KCNK3: variants seen among roughly 807,000 people sequenced by gnomAD.
KCNK3 encodes potassium channel subfamily K member 3.
Under a neutral mutation model 27.3 loss-of-function variants are expected in KCNK3, and 9 were observed. The ratio of observed to expected loss-of-function variants is 0.33; its 90% CI spans 0.20 to 0.57. The LOEUF is 0.57. KCNK3 is among the 20% of genes least tolerant of loss of function. The pLI is 0.87. For missense variants in KCNK3, 391 were observed against 577.7 expected (o/e 0.68, Z 3.31); for synonymous variants, 278 against 273.8 (o/e 1.02, Z -0.15).
intron 1 of KCNK3, among the ~76,000 whole-genome samples, chr2:26,718,449 C>T (rs775395111): frequency 2.6e-5 from 4 of 152,064 alleles, no homozygotes; most frequent in South Asian, 2.1e-4. Flanking sequence ...TAATATTCAT[C>T]GTTTTCTACT....
In KCNK3 at chr2:26,732,347, A is replaced by T. The variant is rs528670471; in HGVS notation, c.*3779A>T. ...TGCATGTTATAAAATGCTGGTCACG[A>T]TCCACTAAATTGATGTCTCTACCTG... is the stretch of plus-strand genomic sequence containing the variant. On this transcript the variant is annotated 3_prime_UTR_variant, in exon 2 of 2. Transcript: ENST00000302909. The T allele has an allele frequency of 7.9e-5, 12 of 152,330 alleles. No homozygotes were observed. The highest frequency in any genetic ancestry group is 3.9e-4 in the Admixed American group (6 of 15,306). 9.4% of individuals were successfully genotyped at this position (152,330 alleles called of 1,614,324 possible).
intron 1 of KCNK3, among the ~76,000 whole-genome samples, chr2:26,711,635 C>T (rs1428046329): frequency 6.6e-6 from 1 of 152,224 alleles, no homozygotes; most frequent in African/African-American, 2.4e-5. Context: ...GGCTCCGTTA[C>T]TGCATCTTCA....
chr2:26,716,814 T>C (rs1558601034), intron 1 of KCNK3, among the ~76,000 whole-genome samples: 3 of 152,112 alleles, frequency 2.0e-5, no homozygotes, highest in Non-Finnish European at 2.9e-5. Context: ...CTTTTGAAGG[T>C]AGGAAAAATT....
rs572615665 is a variant in KCNK3 at position 26,693,197 on chromosome 2, G to A, written c.283+39G>A. 2.1e-5 allele frequency: 30 copies of A among 1,445,906 alleles called. No individual in the cohort carries two copies. Among genetic ancestry groups the A allele is most frequent in the South Asian group, 1.5e-4 (11 of 74,196 alleles). The allele number at this position is 1,445,906 out of a possible 1,614,324, so 89.6% of individuals were successfully genotyped here. A position where few individuals can be genotyped will look rare whatever the true frequency, so the allele number is the denominator to read the frequency against. Reference sequence around the variant, plus strand: ...GGGCGGGGGGCGGGAACCCAGGGCTGGGCGCGGGGCTCCGGGAGTCGTCCG... The same window carrying A: ...GGGCGGGGGGCGGGAACCCAGGGCTAGGCGCGGGGCTCCGGGAGTCGTCCG... On this transcript the variant is annotated intron_variant, in intron 1 of 1. Transcript: ENST00000302909. This position sits in a 1 kb window ranked among gnomAD's most constrained non-coding sequence, Gnocchi z 5.5.
Position 26,728,450 on chromosome 2 carries a change from C to A in KCNK3, c.1067C>A (p.Thr356Lys), listed in dbSNP as rs777780035. 1 of 1,580,662 alleles carries A rather than the reference C, an allele frequency of 6.3e-7. No homozygotes were observed. Among genetic ancestry groups the A allele is most frequent in the Non-Finnish European group, 8.6e-7 (1 of 1,160,306 alleles). Residue 356 changes from threonine (T) to lysine (K), a missense_variant, in exon 2 of 2, where the codon ACG (threonine) becomes AAG (lysine). By Grantham distance (78) the Thr-to-Lys change is moderately conservative. Transcript: ENST00000302909. ...SPGGGGRYSD[T>K]PSRRCLCSGA... Reference sequence around the variant, plus strand: ...GGAGGGGGCGGCCGCTACAGCGACACGCCCTCGCGACGCTGCCTGTGCAGC... The same window carrying A: ...GGAGGGGGCGGCCGCTACAGCGACAAGCCCTCGCGACGCTGCCTGTGCAGC...
At position 26,721,115 on chromosome 2, in the gene KCNK3, C is replaced by CAG. The variant is rs1436888695; in HGVS notation, c.284-6549_284-6548dup. On this transcript the variant is annotated intron_variant, in intron 1 of 1. Transcript: ENST00000302909. This position sits in a 1 kb window ranked among gnomAD's most constrained non-coding sequence, Gnocchi z 4.3. ...GGTTTCTCATCACCATCCCAGACCT[C>CAG]AGAGTCCTTCAGAACTGGAGCCTCT... 6.6e-6 allele frequency among the ~76,000 whole-genome samples: 1 copy of CAG among 152,274 alleles called. No homozygotes were observed. Among genetic ancestry groups the CAG allele is most frequent in the East Asian group, 1.9e-4 (1 of 5,172 alleles).
At chr2:26,706,302 A>G (rs866174440) in intron 1 of KCNK3, among the ~76,000 whole-genome samples, 1 of 152,078 alleles carries the variant, frequency 6.6e-6, no homozygotes, top group Non-Finnish European at 1.5e-5. Context: ...TCCCCCCCAG[A>G]GGAGGAGCTG....
At position 26,693,749 on chromosome 2, in the gene KCNK3, T is replaced by C. The variant is rs944561060; in HGVS notation, c.283+591T>C. On this transcript the variant is annotated intron_variant, in intron 1 of 1. Transcript: ENST00000302909. This position sits in a 1 kb window ranked among gnomAD's most constrained non-coding sequence, Gnocchi z 5.5. The stretch of plus-strand genomic sequence containing the variant: ...TGTGATTTTCTCAGAGCGGCAGAAT[T>C]GGTGCGGGAAGCCAGATCTGGCCTT... Among the ~76,000 whole-genome samples, 1 of 152,180 alleles carries C rather than the reference T, an allele frequency of 6.6e-6. No individual in the cohort carries two copies. The highest frequency in any genetic ancestry group is 1.5e-5 in the Non-Finnish European group (1 of 68,028).
At chr2:26,705,365 A>G (rs1670359748) in intron 1 of KCNK3, among the ~76,000 whole-genome samples, 1 of 152,168 alleles carries the variant, frequency 6.6e-6, no homozygotes, top group African/African-American at 2.4e-5. Flanking sequence ...GAACACGGAT[A>G]TGTTAAGCAC....
intron 1 of KCNK3, among the ~76,000 whole-genome samples, chr2:26,710,243 T>C (rs1289471196): frequency 6.6e-6 from 1 of 152,228 alleles, no homozygotes; most frequent in African/African-American, 2.4e-5. Context: ...CTTGGGGATC[T>C]TTGGGCCTAG....
At chr2:26,699,212 A>AGAAT (rs1670274825) in intron 1 of KCNK3, among the ~76,000 whole-genome samples, 1 of 105,792 alleles carries the variant, frequency 9.5e-6, no homozygotes, top group Non-Finnish European at 2.1e-5. Flanking sequence ...AGAGAGAGAA[A>AGAAT]GAAAGAAAGA....
At chr2:26,723,616 T>C (rs1027157833) in intron 1 of KCNK3, among the ~76,000 whole-genome samples, 1 of 152,202 alleles carries the variant, frequency 6.6e-6, no homozygotes, top group African/African-American at 2.4e-5. Context: ...TATCCTGGGT[T>C]ATAATCCTGG....
intron 1 of KCNK3, among the ~76,000 whole-genome samples, chr2:26,718,579 T>C: frequency 6.6e-6 from 1 of 152,180 alleles, no homozygotes. Flanking sequence ...CAGCTATATA[T>C]GTGTGTGTAC....
chr2:26,715,986 G>A (rs953851279), intron 1 of KCNK3, among the ~76,000 whole-genome samples: 8 of 152,314 alleles, frequency 5.3e-5, no homozygotes, highest in Non-Finnish European at 7.3e-5. Flanking sequence ...ATCCTAGAAC[G>A]CTGAAGGGCC....
chr2:26,701,397 G>T (rs1465111930), intron 1 of KCNK3, among the ~76,000 whole-genome samples: 2 of 152,194 alleles, frequency 1.3e-5, no homozygotes, highest in African/African-American at 4.8e-5. Flanking sequence ...TGGATGGAAA[G>T]GGAGGAGAGA....
chr2:26,732,147 G>C lies in KCNK3; in HGVS notation c.*3579G>C, dbSNP rs1457483568. On this transcript the variant is annotated 3_prime_UTR_variant, in exon 2 of 2. Transcript: ENST00000302909. ...AGAGCAGACCCACCTTATCCATCTG[G>C]TGCCAGCTCCCCAGGTCAGCTACAG... 6.6e-6 allele frequency: 1 copy of C among 152,196 alleles called. No homozygotes were observed. Among genetic ancestry groups the C allele is most frequent in the Non-Finnish European group, 1.5e-5 (1 of 68,148 alleles). 9.4% of individuals were successfully genotyped at this position (152,196 alleles called of 1,614,324 possible).
At chr2:26,715,301 C>T (rs531595649) in intron 1 of KCNK3, among the ~76,000 whole-genome samples, 4 of 152,200 alleles carry the variant, frequency 2.6e-5, no homozygotes, top group Admixed American at 2.0e-4. Flanking sequence ...CAGTGTACAG[C>T]GTCTGGAATA....
intron 1 of KCNK3, among the ~76,000 whole-genome samples, chr2:26,713,114 G>T (rs927974180): frequency 1.3e-5 from 2 of 152,132 alleles, no homozygotes; most frequent in Non-Finnish European, 2.9e-5. Context: ...GTAGGAGAGG[G>T]GCCATCTCCA....
intron 1 of KCNK3, chr2:26,724,528 T>C (rs767119742): frequency 2.2e-6 from 2 of 906,742 alleles, no homozygotes; most frequent in Non-Finnish European, 2.6e-6. Flanking sequence ...TGTAAGAAGT[T>C]TTTGAGGATT....
Sources: allele counts gnomAD v4.1 joint callset (sites outside exome capture counted in the v4.1 genomes callset), GRCh38; gene constraint gnomAD v4.1.1; non-coding constraint Gnocchi (gnomAD v3.1); transcripts MANE v1.5; gene names NCBI Gene and HGNC (gene_info 2026-07-23, HGNC 2026-07-21).